PTPN2: variants seen among roughly 807,000 people sequenced by gnomAD.
The protein encoded by PTPN2 is protein tyrosine phosphatase non-receptor type 2, also known as tyrosine-protein phosphatase non-receptor type 2.
In PTPN2, 19 loss-of-function variants were observed where a neutral mutation model predicts 57.3. The observed-to-expected ratio is 0.33, with a 90% CI of 0.23 to 0.49. The LOEUF (loss-of-function observed/expected upper bound fraction) is 0.49. Ranked by LOEUF, PTPN2 falls within the 20% of genes least tolerant of loss-of-function variation. The pLI is 0.99. For synonymous variants in PTPN2, 153 were observed against 164.9 expected (o/e 0.93, Z 0.55); for missense variants, 358 against 501.1 (o/e 0.71, Z 2.73).
chr18:12,878,339 A>AAAAAAAAGAAAGAAAAAGG (rs535879535), intron 1 of PTPN2, among the ~76,000 whole-genome samples: 1 of 151,556 alleles, frequency 6.6e-6, no homozygotes, highest in Non-Finnish European at 1.5e-5. Context: ...AAGAAAAAGA[A>AAAAAAAAGAAAGAAAAAGG]AAAAAAAGAA....
rs2041061159 is a variant in PTPN2, at chr18:12,793,798, A to G, written c.*480T>C. On this transcript the variant is annotated 3_prime_UTR_variant, in exon 9 of 9. Coordinates refer to ENST00000309660, the MANE Select transcript of PTPN2 (RefSeq NM_002828.4). The stretch of plus-strand genomic sequence containing the variant: ...ACTTATAAAATATATTTACCCTGAA[A>G]TGCTTAAGAATAAAAGTGTTGATGC... 1 of 938,140 alleles carries G rather than the reference A, an allele frequency of 1.1e-6. No homozygotes were observed. Among genetic ancestry groups the G allele is most frequent in the Admixed American group, 5.8e-5 (1 of 17,170 alleles). 58.1% of individuals were successfully genotyped at this position (938,140 alleles called of 1,614,324 possible).
At chr18:12,882,469 C>T (rs2044695450) in intron 1 of PTPN2, among the ~76,000 whole-genome samples, 1 of 152,176 alleles carries the variant, frequency 6.6e-6, no homozygotes, top group African/African-American at 2.4e-5. Flanking sequence ...AATTAAATTT[C>T]TTAAACCAAA....
At chr18:12,851,158 T>C (rs978664452) in intron 2 of PTPN2, among the ~76,000 whole-genome samples, 1 of 152,208 alleles carries the variant, frequency 6.6e-6, no homozygotes, top group African/African-American at 2.4e-5. Context: ...TAGGGTTCTA[T>C]GTATTTTTCT....
chr18:12,824,505 A>C (rs2042378487), intron 5 of PTPN2, among the ~76,000 whole-genome samples: 1 of 152,224 alleles, frequency 6.6e-6, no homozygotes, highest in Non-Finnish European at 1.5e-5. Context: ...TTAATGGTTA[A>C]CTAAAACAGT....
At chr18:12,878,514 A>T (rs142279171) in intron 1 of PTPN2, among the ~76,000 whole-genome samples, 105 of 152,088 alleles carry the variant, frequency 6.9e-4, no homozygotes, top group Middle Eastern at 3.4e-3. Flanking sequence ...TACTAAAAAT[A>T]CAAAAATTAG....
Position 12,870,454 on chromosome 18 carries a change from T to TAGAG in PTPN2, c.70-11201_70-11200insCTCT, listed in dbSNP as rs1458157048. ...ATATATATATGTGTATATATATATA[T>TAGAG]ATATATATAGAGAGAGAGAGAGAGA... is the stretch of plus-strand genomic sequence containing the variant. On this transcript the variant is annotated intron_variant, in intron 1 of 8. Coordinates refer to ENST00000309660, the MANE Select transcript of PTPN2 (RefSeq NM_002828.4). 6.3e-3 allele frequency among the ~76,000 whole-genome samples: 277 copies of TAGAG among 44,258 alleles called. 6 individuals carry two copies. Among genetic ancestry groups the TAGAG allele is most frequent in the Non-Finnish European group, 8.4e-3 (235 of 27,894 alleles). 29.0% of individuals were successfully genotyped at this position (44,258 alleles called of 152,430 possible).
intron 5 of PTPN2, 98 bp from the exon 6 acceptor site, chr18:12,817,463 A>G (rs2042116676): frequency 2.3e-6 from 2 of 877,436 alleles, no homozygotes; most frequent in South Asian, 1.7e-5. Flanking sequence ...CTTTAAAGCC[A>G]TATAGGCTGT....
chr18:12,807,586 A>AAAAAAAAAAT, intron 7 of PTPN2, among the ~76,000 whole-genome samples: 10 of 35,202 alleles, frequency 2.8e-4, no homozygotes, highest in East Asian at 1.4e-3. Context: ...AAAAAAAAAA[A>AAAAAAAAAAT]ATATATATAT....
chr18:12,789,364 T>C (rs1328679424), downstream of PTPN2, among the ~76,000 whole-genome samples: 2 of 152,214 alleles, frequency 1.3e-5, no homozygotes, highest in Non-Finnish European at 2.9e-5. Context: ...GAGTAAACCA[T>C]ACAGGTGGTT....
intron 2 of PTPN2, among the ~76,000 whole-genome samples, chr18:12,841,718 A>C (rs780416934): frequency 1.6e-4 from 25 of 152,336 alleles, no homozygotes; most frequent in Non-Finnish European, 3.1e-4. Flanking sequence ...TGATTCCACA[A>C]ATCTCCTAAT....
intron 1 of PTPN2, among the ~76,000 whole-genome samples, chr18:12,877,465 A>G (rs948144838): frequency 2.0e-5 from 3 of 152,214 alleles, no homozygotes; most frequent in African/African-American, 7.2e-5. Context: ...AGAGTAGCCA[A>G]TCTTCAAGGG....
intron 3 of PTPN2, among the ~76,000 whole-genome samples, chr18:12,831,907 G>A (rs1192824363): frequency 2.0e-5 from 3 of 152,192 alleles, no homozygotes; most frequent in African/African-American, 7.2e-5. Context: ...AATAAGAGAT[G>A]AAAAGCCTAT....
intron 2 of PTPN2, chr18:12,840,785 A>G: frequency 6.3e-7 from 1 of 1,598,360 alleles, no homozygotes; most frequent in Non-Finnish European, 8.5e-7. Context: ...CTTTCCATAC[A>G]TCCTAAATTC....
chr18:12,819,041 C>A, intron 5 of PTPN2: 2 of 336,930 alleles, frequency 5.9e-6, no homozygotes, highest in Non-Finnish European at 1.1e-5. Flanking sequence ...TTGTGGTGAG[C>A]CGAGATCGTG....
intron 1 of PTPN2, among the ~76,000 whole-genome samples, chr18:12,883,361 G>A (rs1435236344): frequency 1.3e-5 from 2 of 152,240 alleles, no homozygotes; most frequent in African/African-American, 4.8e-5. Flanking sequence ...CCCACGCTGG[G>A]CGCTGCTGGG....
downstream of PTPN2, among the ~76,000 whole-genome samples, chr18:12,788,332 C>T (rs1384442888): frequency 1.3e-5 from 2 of 151,942 alleles, no homozygotes; most frequent in African/African-American, 2.4e-5. Flanking sequence ...TGCATAATTC[C>T]CACCTTCCAT....
chr18:12,863,285 C>G (rs182511367), intron 1 of PTPN2: 1 of 152,064 alleles, frequency 6.6e-6, no homozygotes, highest in East Asian at 1.9e-4. Flanking sequence ...AGTAAGACAC[C>G]AGCTCTGCCA....
chr18:12,868,497 C>T (rs1396122056), intron 1 of PTPN2, among the ~76,000 whole-genome samples: 1 of 152,010 alleles, frequency 6.6e-6, no homozygotes, highest in African/African-American at 2.4e-5. Context: ...CTCAGGTGAT[C>T]CGCCCGCCTT....
intron 1 of PTPN2, among the ~76,000 whole-genome samples, chr18:12,878,515 C>G (rs1332033371): frequency 6.6e-6 from 1 of 151,724 alleles, no homozygotes; most frequent in Non-Finnish European, 1.5e-5. Flanking sequence ...ACTAAAAATA[C>G]AAAAATTAGC....
Sources: gnomAD v4.1 joint callset for allele counts (sites outside exome capture counted in the v4.1 genomes callset) on GRCh38, gnomAD v4.1.1 for gene constraint, MANE v1.5 for transcripts, NCBI Gene and HGNC (gene_info 2026-07-23, HGNC 2026-07-21) for gene names.